SLC49A4: variants seen among roughly 807,000 people sequenced by gnomAD.
SLC49A4 encodes the protein disrupted in renal cancer protein 2.
Under a neutral mutation model 50.6 loss-of-function variants are expected in SLC49A4, and 36 were observed. The ratio of observed to expected loss-of-function variants is 0.71; its 90% confidence interval spans 0.55 to 0.94. The LOEUF (loss-of-function observed/expected upper bound fraction) is 0.94. Among genes scored for constraint, SLC49A4 ranks in the 40% least tolerant of loss-of-function variants. The probability of loss-of-function intolerance (pLI) is 0.00; values close to 1 mark genes in which losing one functional copy is unlikely to be tolerated. For missense variants in SLC49A4, 503 were observed against 605.7 expected, an observed-to-expected ratio of 0.83 and a Z score of 1.78; for synonymous variants, 248 against 241.2, an observed-to-expected ratio of 1.03 and a Z score of -0.26.
intron 5 of SLC49A4, among the ~76,000 whole-genome samples, chr3:122,854,121 G>A (rs560900680): frequency 7.2e-5 from 11 of 152,308 alleles, no homozygotes; most frequent in South Asian, 4.1e-4. Context: ...CCTAGTGGGC[G>A]TTGGATTATA....
chr3:122,844,094 A>G (rs772365481), intron 4 of SLC49A4, among the ~76,000 whole-genome samples: 9 of 152,248 alleles, frequency 5.9e-5, no homozygotes, highest in Non-Finnish European at 1.3e-4. Context: ...ACCCTGTAAC[A>G]TGATTGCTAG....
At chr3:122,811,601 GTT>G (rs1241382523) in intron 2 of SLC49A4, among the ~76,000 whole-genome samples, 1 of 152,168 alleles carries the variant, frequency 6.6e-6, no homozygotes, top group Non-Finnish European at 1.5e-5. Flanking sequence ...AGCTCTGTCA[GTT>G]TGCAAGAATT....
chr3:122,857,085 C>T (rs1017913152), intron 6 of SLC49A4, among the ~76,000 whole-genome samples: 1 of 151,926 alleles, frequency 6.6e-6, no homozygotes, highest in African/African-American at 2.4e-5. Context: ...ATAGAACTTT[C>T]CATGAACAGG....
chr3:122,876,897 C>T (rs1394363594), intron 8 of SLC49A4, among the ~76,000 whole-genome samples: 3 of 152,136 alleles, frequency 2.0e-5, no homozygotes, highest in Non-Finnish European at 4.4e-5. Context: ...ATGAGCACTC[C>T]GACTGCTGTG....
At chr3:122,835,303 C>T (rs1032496495) in intron 4 of SLC49A4, among the ~76,000 whole-genome samples, 6 of 151,902 alleles carry the variant, frequency 3.9e-5, no homozygotes, top group African/African-American at 7.3e-5. Flanking sequence ...ATACCAAAAC[C>T]GGAAAAAGAC....
intron 2 of SLC49A4, among the ~76,000 whole-genome samples, chr3:122,811,381 G>A (rs749013406): frequency 9.2e-5 from 14 of 152,114 alleles, no homozygotes; most frequent in Non-Finnish European, 1.8e-4. Flanking sequence ...AATTAAAATA[G>A]CAGACAGATG....
chr3:122,865,793 T>A (rs1373454428), intron 7 of SLC49A4, among the ~76,000 whole-genome samples: 1 of 152,228 alleles, frequency 6.6e-6, no homozygotes, highest in East Asian at 1.9e-4. Context: ...TCAGTCAGTA[T>A]GCACAATAAT....
At chr3:122,795,808 A>G (rs192105012) in intron 1 of SLC49A4, among the ~76,000 whole-genome samples, 2 of 152,354 alleles carry the variant, frequency 1.3e-5, no homozygotes, top group African/African-American at 4.8e-5. Context: ...AAGTTTTTAC[A>G]CATTGTGAAC....
intron 1 of SLC49A4, 109 bp downstream of exon 1, chr3:122,795,644 G>A: frequency 6.8e-7 from 1 of 1,469,140 alleles, no homozygotes. Flanking sequence ...TAGGGGTTGT[G>A]TGAGGTGATA....
chr3:122,817,685 A>G (rs770206371), intron 2 of SLC49A4, among the ~76,000 whole-genome samples: 1 of 150,918 alleles, frequency 6.6e-6, no homozygotes, highest in Non-Finnish European at 1.5e-5. Context: ...GGCTCAAGCA[A>G]TCCTCCTACC....
chr3:122,846,178 A>T (rs1418122668), intron 5 of SLC49A4, among the ~76,000 whole-genome samples: 1 of 152,230 alleles, frequency 6.6e-6, no homozygotes, highest in Non-Finnish European at 1.5e-5. Context: ...CTTATAAAGA[A>T]GATTAAGATC....
At chr3:122,827,727 A>G (rs1297306119) in intron 3 of SLC49A4, among the ~76,000 whole-genome samples, 1 of 152,232 alleles carries the variant, frequency 6.6e-6, no homozygotes, top group African/African-American at 2.4e-5. Context: ...GGTGTTTACT[A>G]TATGCCAAGC....
chr3:122,865,413 C>T (rs927680894), intron 7 of SLC49A4, among the ~76,000 whole-genome samples: 1 of 152,196 alleles, frequency 6.6e-6, no homozygotes, highest in African/African-American at 2.4e-5. Flanking sequence ...ACCACAGTTG[C>T]ATATACTGCG....
At chr3:122,872,365 T>C (rs1331283897) in intron 7 of SLC49A4, 50 bp from the exon 8 acceptor site, 6 of 1,469,540 alleles carry the variant, frequency 4.1e-6, no homozygotes, top group Admixed American at 1.9e-5. Flanking sequence ...CTATCTGATA[T>C]GACTCACTGC....
At chr3:122,855,674 A>C (rs1936979346) in intron 5 of SLC49A4, among the ~76,000 whole-genome samples, 1 of 152,238 alleles carries the variant, frequency 6.6e-6, no homozygotes. Context: ...AGTAATAATA[A>C]GAACAGCTAA....
chr3:122,849,392 G>A lies in SLC49A4; in HGVS notation c.942+3521G>A, dbSNP rs561144260. Among the ~76,000 whole-genome samples the A allele has an allele frequency of 4.6e-4, 70 of 152,122 alleles. No individual in the cohort carries two copies. The East Asian group carries it at 5.0e-3, about 11-fold the overall frequency. On this transcript the variant is annotated intron_variant, in intron 5 of 8. Transcript: ENST00000261038. Reference sequence around the variant, plus strand: ...GGTAGTTCTATTTTTCGTTTTCTACGGAACCTCTGTACCGTTTTCCATAAT... The same window carrying A: ...GGTAGTTCTATTTTTCGTTTTCTACAGAACCTCTGTACCGTTTTCCATAAT...
intron 5 of SLC49A4, among the ~76,000 whole-genome samples, chr3:122,851,653 T>C (rs1936927572): frequency 1.3e-5 from 2 of 152,170 alleles, no homozygotes; most frequent in Non-Finnish European, 2.9e-5. Flanking sequence ...ACACAACTTA[T>C]TGAATGTCGT....
chr3:122,838,743 A>G (rs922231778), intron 4 of SLC49A4, among the ~76,000 whole-genome samples: 3 of 152,128 alleles, frequency 2.0e-5, no homozygotes, highest in Admixed American at 6.5e-5. Context: ...CATAGATGAC[A>G]CAAAAAAATG....
intron 7 of SLC49A4, among the ~76,000 whole-genome samples, chr3:122,865,349 C>T (rs544450455): frequency 1.6e-4 from 24 of 152,124 alleles, no homozygotes; most frequent in African/African-American, 5.8e-4. Context: ...TATCAGTGAG[C>T]GTTCCATGAT....
Sources: allele counts gnomAD v4.1 joint callset (sites outside exome capture counted in the v4.1 genomes callset), GRCh38; gene constraint gnomAD v4.1.1; transcripts MANE v1.5; gene names NCBI Gene and HGNC (gene_info 2026-07-23, HGNC 2026-07-21).